NTRK2: variants seen among roughly 807,000 people sequenced by gnomAD.
NTRK2 encodes the protein BDNF/NT-3 growth factors receptor.
In NTRK2, 13 loss-of-function variants were observed where a neutral mutation model predicts 94.5. The observed-to-expected ratio is 0.14, with a 90% CI of 0.09 to 0.22. NTRK2 has a LOEUF of 0.22. Among genes scored for constraint, NTRK2 ranks in the 10% least tolerant of loss-of-function variants. NTRK2 has a pLI of 1.00. For missense variants in NTRK2, 639 were observed against 1,071.2 expected (o/e 0.60, Z 5.63); for synonymous variants, 372 against 407.4 (o/e 0.91, Z 1.05).
In NTRK2 at chr9:84,931,406, CA is replaced by C. The variant is rs10559170; in HGVS notation, c.1634-2745del. ...TGGGCGACAGAGCGAGACTCTGTCT[CA>C]AAAAAAAAAAGAGAGAGAGAGAGAG... On this transcript the variant is annotated intron_variant, in intron 14 of 18. Transcript: ENST00000277120. Among the ~76,000 whole-genome samples the C allele has an allele frequency of 2.2e-3, 276 of 125,848 alleles. 1 individual carries two copies. The highest frequency in any genetic ancestry group is 3.7e-3 in the Non-Finnish European group (216 of 59,166). 82.6% of individuals were successfully genotyped at this position (125,848 alleles called of 152,430 possible). A position where few individuals can be genotyped will look rare whatever the true frequency, so the allele number is the denominator to read the frequency against.
intron 12 of NTRK2, among the ~76,000 whole-genome samples, chr9:84,800,214 T>C (rs2070238893): frequency 6.6e-6 from 1 of 151,774 alleles, no homozygotes; most frequent in South Asian, 2.1e-4. Context: ...TCTTTCTTTT[T>C]TTTTTTGAGA....
At chr9:84,732,761 C>G (rs76757442) in intron 9 of NTRK2, among the ~76,000 whole-genome samples, 1,707 of 152,280 alleles carry the variant, frequency 0.011, 11 homozygotes, top group Non-Finnish European at 0.018. Flanking sequence ...AGTTGGCTCA[C>G]TAGTGGCTTT....
intron 14 of NTRK2, among the ~76,000 whole-genome samples, chr9:84,913,610 T>G (rs1447679626): frequency 2.0e-5 from 3 of 152,190 alleles, no homozygotes; most frequent in African/African-American, 7.2e-5. Flanking sequence ...TGTGGTACTT[T>G]CCTCTGGCCT....
At chr9:84,970,104 A>G (rs1312977335) in intron 17 of NTRK2, among the ~76,000 whole-genome samples, 2 of 152,168 alleles carry the variant, frequency 1.3e-5, no homozygotes, top group Non-Finnish European at 2.9e-5. Context: ...AAATGGCAAT[A>G]ATAGGGCCGG....
In NTRK2 at chr9:84,809,636, C is replaced by T. The variant is rs553285436; in HGVS notation, c.1397-51404C>T. Among the ~76,000 whole-genome samples the T allele has an allele frequency of 4.6e-4, 70 of 151,324 alleles. No homozygotes were observed. In the South Asian group the frequency reaches 0.014, roughly 31 times the overall value. On this transcript the variant is annotated intron_variant, in intron 12 of 18. Coordinates refer to ENST00000277120, the MANE Select transcript of NTRK2 (RefSeq NM_006180.6). ...GTGGCTCACGCCTGTAATCCCAGCA[C>T]TTTGGGAGGCCGAGGTGGGTAGATT...
At chr9:84,784,059 C>T (rs1160958483) in intron 12 of NTRK2, among the ~76,000 whole-genome samples, 1 of 152,018 alleles carries the variant, frequency 6.6e-6, no homozygotes, top group Non-Finnish European at 1.5e-5. Flanking sequence ...GAAAATGAAT[C>T]CCAAAAATGT....
intron 14 of NTRK2, chr9:84,873,323 A>G (rs1172710537): frequency 1.9e-6 from 2 of 1,058,994 alleles, no homozygotes; most frequent in South Asian, 9.1e-5. Flanking sequence ...TTTAAAAATA[A>G]GCTAAGTCCA....
rs1298618189 is a variant in NTRK2, at chr9:84,678,242, A to G, written c.212+7282A>G. 3.9e-5 allele frequency among the ~76,000 whole-genome samples: 6 copies of G among 152,204 alleles called. No homozygotes were observed. In the East Asian group the frequency reaches 1.2e-3, roughly 29 times the overall value. ...TTATCATTCTGGATGTCCCTTGGCC[A>G]GGATCTGGTTGGGCTGTCTTCTTTG... On this transcript the variant is annotated intron_variant, in intron 2 of 18. Transcript: ENST00000277120.
intron 12 of NTRK2, chr9:84,814,475 C>T (rs1235513727): frequency 9.4e-7 from 1 of 1,065,906 alleles, no homozygotes; most frequent in South Asian, 4.5e-5. Context: ...TCTAAACTGA[C>T]CCCATGACCA....
chr9:84,953,592 T>G (rs1323354999), intron 16 of NTRK2, among the ~76,000 whole-genome samples: 1 of 152,206 alleles, frequency 6.6e-6, no homozygotes, highest in Non-Finnish European at 1.5e-5. Context: ...TTTCCCAGCA[T>G]TGTTCCTCAA....
chr9:84,911,022 C>A (rs913883694), intron 14 of NTRK2, among the ~76,000 whole-genome samples: 1 of 152,124 alleles, frequency 6.6e-6, no homozygotes, highest in Non-Finnish European at 1.5e-5. Context: ...GTTGTCTAAT[C>A]CATGAACATA....
At chr9:84,850,102 G>A (rs75092671) in intron 12 of NTRK2, among the ~76,000 whole-genome samples, 3,685 of 152,110 alleles carry the variant, frequency 0.024, 152 homozygotes, top group African/African-American at 0.083. Flanking sequence ...TTCTGATTTG[G>A]GGAATAAATA....
chr9:84,841,628 G>A (rs1014299055), intron 12 of NTRK2, among the ~76,000 whole-genome samples: 1 of 152,030 alleles, frequency 6.6e-6, no homozygotes, highest in Non-Finnish European at 1.5e-5. Flanking sequence ...ACTGTCTCCC[G>A]GAGGCCTTCC....
intron 17 of NTRK2, among the ~76,000 whole-genome samples, chr9:84,974,179 G>A (rs1445069249): frequency 6.6e-6 from 1 of 152,144 alleles, no homozygotes; most frequent in East Asian, 1.9e-4. Flanking sequence ...TACATAAAAT[G>A]ACAAGAAATG....
intron 14 of NTRK2, among the ~76,000 whole-genome samples, chr9:84,927,219 A>G (rs2077851765): frequency 6.6e-6 from 1 of 152,204 alleles, no homozygotes; most frequent in East Asian, 1.9e-4. Flanking sequence ...TTTAATAACC[A>G]CTGAGGACCC....
chr9:84,873,403 T>A, intron 14 of NTRK2: 1 of 1,059,272 alleles, frequency 9.4e-7, no homozygotes, highest in Non-Finnish European at 1.1e-6. Flanking sequence ...GCTTCTTTTA[T>A]GGCACACTGG....
chr9:84,843,074 TG>T (rs1284749019), intron 12 of NTRK2, among the ~76,000 whole-genome samples: 1 of 152,190 alleles, frequency 6.6e-6, no homozygotes, highest in African/African-American at 2.4e-5. Flanking sequence ...CCTGTAGGAA[TG>T]GGGGGTCATA....
chr9:84,788,592 T>A (rs1369483451), intron 12 of NTRK2, among the ~76,000 whole-genome samples: 1 of 151,954 alleles, frequency 6.6e-6, no homozygotes, highest in African/African-American at 2.4e-5. Flanking sequence ...GGCAGAACAG[T>A]GGGACAGGAA....
At chr9:84,811,275 GCAAAACAAAA>G (rs899624222) in intron 12 of NTRK2, 52 of 1,064,190 alleles carry the variant, frequency 4.9e-5, no homozygotes, top group Non-Finnish European at 5.9e-5. Flanking sequence ...TCCTTAGCCA[GCAAAACAAAA>G]CAAAACAAAA....
Sources: allele counts gnomAD v4.1 joint callset (sites outside exome capture counted in the v4.1 genomes callset), GRCh38; gene constraint gnomAD v4.1.1; transcripts MANE v1.5; gene names NCBI Gene and HGNC (gene_info 2026-07-23, HGNC 2026-07-21).